HERC6: variants seen among roughly 807,000 people sequenced by gnomAD.
HERC6 encodes the protein probable E3 ubiquitin-protein ligase HERC6.
A neutral mutation model predicts 114.5 loss-of-function variants in HERC6; 101 were observed. The ratio of observed to expected loss-of-function variants is 0.88; its 90% CI spans 0.75 to 1.04. The LOEUF is 1.04. Among genes scored for constraint, HERC6 ranks in the 50% least tolerant of loss-of-function variants. The pLI is 0.00. For synonymous variants in HERC6, 408 were observed against 436.2 expected, an observed-to-expected ratio of 0.94 and a Z score of 0.81; for missense variants, 1,133 against 1,230.9, an observed-to-expected ratio of 0.92 and a Z score of 1.19.
intron 1 of HERC6, among the ~76,000 whole-genome samples, chr4:88,380,656 G>C (rs994025502): frequency 6.7e-6 from 1 of 149,432 alleles, no homozygotes. Flanking sequence ...GGCAGAGGTT[G>C]CAGTGAGCCG....
chr4:88,437,060 C>A, intron 19 of HERC6, 89 bp downstream of exon 19: 1 of 757,406 alleles, frequency 1.3e-6, no homozygotes, highest in Non-Finnish European at 2.0e-6. Context: ...TTTGGGATCC[C>A]TTTTTTTTTT....
chr4:88,416,777 AG>A (rs1282627841), intron 12 of HERC6, among the ~76,000 whole-genome samples: 2 of 152,074 alleles, frequency 1.3e-5, no homozygotes, highest in Non-Finnish European at 2.9e-5. Context: ...TGTGTATTTG[AG>A]TCTACTTATG....
At chr4:88,437,321 T>G in intron 19 of HERC6, among the ~76,000 whole-genome samples, 1 of 152,042 alleles carries the variant, frequency 6.6e-6, no homozygotes, top group East Asian at 1.9e-4. Flanking sequence ...CCTCCCAAAG[T>G]GCTAGGATTA....
At chr4:88,426,042 A>C (rs2148964923) in intron 15 of HERC6, among the ~76,000 whole-genome samples, 1 of 152,270 alleles carries the variant, frequency 6.6e-6, no homozygotes, top group East Asian at 1.9e-4. Context: ...GGCTTACATG[A>C]CATTTTCCAA....
At chr4:88,424,731 A>C in intron 15 of HERC6, 29 bp downstream of exon 15, 1 of 1,351,522 alleles carries the variant, frequency 7.4e-7, no homozygotes, top group Non-Finnish European at 1.0e-6. Flanking sequence ...TTAGTATGAA[A>C]AATTTCAAAC....
At chr4:88,401,507 A>G (rs1450533741) in intron 8 of HERC6, among the ~76,000 whole-genome samples, 1 of 151,544 alleles carries the variant, frequency 6.6e-6, no homozygotes, top group Non-Finnish European at 1.5e-5. Context: ...AAAAAAAAAA[A>G]GAAAAGAAAA....
intron 17 of HERC6, among the ~76,000 whole-genome samples, chr4:88,434,116 A>T (rs956454152): frequency 6.6e-6 from 1 of 152,214 alleles, no homozygotes; most frequent in Non-Finnish European, 1.5e-5. Context: ...CAGAAACTTT[A>T]CCAATTGGCT....
chr4:88,423,143 C>A (rs1234117814), intron 13 of HERC6, among the ~76,000 whole-genome samples: 1 of 150,356 alleles, frequency 6.7e-6, no homozygotes, highest in African/African-American at 2.4e-5. Context: ...GTTGATCTTG[C>A]TCCTGTATAT....
chr4:88,395,920 T>G, intron 5 of HERC6, 95 bp from the exon 6 acceptor site: 1 of 1,063,548 alleles, frequency 9.4e-7, no homozygotes, highest in Non-Finnish European at 1.3e-6. Flanking sequence ...TTTCACAGAG[T>G]GCTCCCGTAT....
chr4:88,412,204 G>A (rs906049654), intron 11 of HERC6, among the ~76,000 whole-genome samples: 7 of 152,076 alleles, frequency 4.6e-5, no homozygotes, highest in African/African-American at 7.2e-5. Flanking sequence ...TGATTTACAC[G>A]AGATCACCTG....
intron 11 of HERC6, among the ~76,000 whole-genome samples, chr4:88,411,497 T>C (rs2148899978): frequency 6.6e-6 from 1 of 152,292 alleles, no homozygotes; most frequent in African/African-American, 2.4e-5. Flanking sequence ...AAAGCAAATT[T>C]TAAGAATTTT....
intron 17 of HERC6, among the ~76,000 whole-genome samples, chr4:88,431,613 A>T (rs894356506): frequency 3.9e-5 from 6 of 152,162 alleles, no homozygotes; most frequent in African/African-American, 1.4e-4. Flanking sequence ...GAAATAATAA[A>T]CTGCATATAT....
chr4:88,434,765 C>CAAAAAAAAAAAAAAAA (rs761784879), intron 17 of HERC6, among the ~76,000 whole-genome samples: 1 of 103,316 alleles, frequency 9.7e-6, no homozygotes. Context: ...AAAACAGAGA[C>CAAAAAAAAAAAAAAAA]AAAAAAAAAA....
In HERC6 at chr4:88,440,008, T is replaced by C; in HGVS notation, c.2690T>C (p.Met897Thr). Residue 897 changes from methionine to threonine, a missense_variant, in exon 21 of 23, where the codon ATG (methionine) becomes ACG (threonine). Met to Thr is a moderately conservative substitution (Grantham distance 81, BLOSUM62 -1). Transcript: ENST00000264346. ...ILRHFYPEELMTAIIGNTDYD... is the reference protein window; with the variant it reads ...ILRHFYPEELTTAIIGNTDYD... ...AGACATTTCTACCCTGAAGAACTAA[T>C]GACAGCAATCATTGGAAATACTGAT... 1.2e-6 allele frequency: 2 copies of C among 1,612,050 alleles called. No individual in the cohort carries two copies. Among genetic ancestry groups the C allele is most frequent in the Non-Finnish European group, 1.7e-6 (2 of 1,179,426 alleles).
intron 22 of HERC6, among the ~76,000 whole-genome samples, chr4:88,441,646 C>T (rs560419612): frequency 1.6e-4 from 24 of 152,296 alleles, no homozygotes; most frequent in African/African-American, 5.5e-4. Context: ...ACACATCTTT[C>T]TTCTTGATAT....
At chr4:88,421,994 TAC>T (rs1014405029) in intron 13 of HERC6, among the ~76,000 whole-genome samples, 3 of 152,214 alleles carry the variant, frequency 2.0e-5, no homozygotes, top group Non-Finnish European at 4.4e-5. Flanking sequence ...GTTCTTTACA[TAC>T]AGTTACAAGT....
At chr4:88,414,973 G>A (rs907245676) in intron 12 of HERC6, among the ~76,000 whole-genome samples, 2 of 152,082 alleles carry the variant, frequency 1.3e-5, no homozygotes, top group African/African-American at 4.8e-5. Flanking sequence ...GCAGCAGTAA[G>A]CTATCAGCAT....
chr4:88,421,241 C>T (rs114074126), intron 13 of HERC6, among the ~76,000 whole-genome samples: 2,711 of 152,026 alleles, frequency 0.018, 85 homozygotes, highest in African/African-American at 0.062. Flanking sequence ...TGAATAATGC[C>T]GCTATTTAAA....
At chr4:88,397,142 C>T (rs540776864) in intron 7 of HERC6, among the ~76,000 whole-genome samples, 155 bp downstream of exon 7, 12 of 151,448 alleles carry the variant, frequency 7.9e-5, no homozygotes, top group East Asian at 3.9e-4. Context: ...GATGGAGTTT[C>T]GCTCTTGTTG....
Sources: gnomAD v4.1 joint callset for allele counts (sites outside exome capture counted in the v4.1 genomes callset) on GRCh38, gnomAD v4.1.1 for gene constraint, MANE v1.5 for transcripts, NCBI Gene and HGNC (gene_info 2026-07-23, HGNC 2026-07-21) for gene names.